YIPF4: variants seen among roughly 807,000 people sequenced by gnomAD.
YIPF4 encodes the protein Yip1 domain family member 4.
A neutral mutation model predicts 29.4 loss-of-function variants in YIPF4; 18 were observed. The ratio of observed to expected loss-of-function variants is 0.61; its 90% CI spans 0.42 to 0.91. The LOEUF (loss-of-function observed/expected upper bound fraction) is 0.91, where lower values mean the gene tolerates loss of function less well. Ranked by LOEUF, YIPF4 falls within the 40% of genes least tolerant of loss-of-function variation. YIPF4 has a pLI of 0.00. For synonymous variants in YIPF4, 115 were observed against 104.7 expected (o/e 1.10, Z -0.60); for missense variants, 279 against 282.7 (o/e 0.99, Z 0.09).
intron 3 of YIPF4, among the ~76,000 whole-genome samples, chr2:32,296,098 G>C (rs1369237418): frequency 2.6e-5 from 4 of 152,142 alleles, no homozygotes; most frequent in African/African-American, 9.7e-5. Context: ...TGGGGACTCT[G>C]GTCTCCTACC....
chr2:32,280,681 C>G (rs959087547), intron 1 of YIPF4, among the ~76,000 whole-genome samples: 1 of 152,110 alleles, frequency 6.6e-6, no homozygotes, highest in Non-Finnish European at 1.5e-5. Flanking sequence ...CGCGCCCGGC[C>G]TAATTTTTGA....
rs748383667 is a variant in YIPF4, at chr2:32,286,339, A to G, written c.80-4144A>G. Among the ~76,000 whole-genome samples the G allele has an allele frequency of 3.5e-4, 53 of 152,166 alleles. 1 individual carries two copies. Among genetic ancestry groups the G allele is most frequent in the Non-Finnish European group, 8.8e-5 (6 of 68,022 alleles). ...CTCTTTTCCATTTTTGTAACTTTCT[A>G]TGAATCTATAATTTTTCAAAATAAA... is the stretch of plus-strand genomic sequence containing the variant. On this transcript the variant is annotated intron_variant, in intron 1 of 5. Transcript: ENST00000238831.
chr2:32,278,163 C>T lies in YIPF4; in HGVS notation c.8C>T (p.Pro3Leu). 2.6e-6 allele frequency: 4 copies of T among 1,563,770 alleles called. No homozygotes were observed. Among genetic ancestry groups the T allele is most frequent in the Non-Finnish European group, 3.5e-6 (4 of 1,155,434 alleles). MQ[P>L]PGPPPAYAPT... ...GTTGGGAGTCGCCGCGAGATGCAGCCTCCGGGCCCGCCCCCGGCCTATGCC... is the reference window on the plus strand; with the variant it reads ...GTTGGGAGTCGCCGCGAGATGCAGCTTCCGGGCCCGCCCCCGGCCTATGCC... The change falls in exon 1 of 6, where the codon CCT (proline) becomes CTT (leucine). Residue 3 changes from proline to leucine, a missense_variant. By Grantham distance (98) the Pro-to-Leu change is moderately conservative (BLOSUM62 -3). Transcript: ENST00000238831.
intron 1 of YIPF4, among the ~76,000 whole-genome samples, chr2:32,284,261 G>A (rs4952258): frequency 0.12 from 17,981 of 152,064 alleles, 1,291 homozygotes; most frequent in Admixed American, 0.18. Flanking sequence ...GATAAATATC[G>A]TGAAGGAAAA....
chr2:32,307,833 G>A lies in YIPF4; in HGVS notation c.*2207G>A, dbSNP rs1275163936. The A allele has an allele frequency of 6.6e-6, 1 of 151,278 alleles. No individual in the cohort carries two copies. Among genetic ancestry groups the A allele is most frequent in the Non-Finnish European group, 1.5e-5 (1 of 68,056 alleles). 9.4% of individuals were successfully genotyped at this position (151,278 alleles called of 1,614,324 possible). On this transcript the variant is annotated 3_prime_UTR_variant, in exon 6 of 6. Coordinates refer to ENST00000238831, the MANE Select transcript of YIPF4 (RefSeq NM_032312.4). ...AATCCCAGCTACTCAGGAGGCTGAG[G>A]CAGGGAGAATCGCTTGAACCCTTGG...
At chr2:32,290,014 GAA>G (rs1289847055) in intron 1 of YIPF4, among the ~76,000 whole-genome samples, 1 of 152,100 alleles carries the variant, frequency 6.6e-6, no homozygotes. Flanking sequence ...AAAAGGTAGA[GAA>G]AAATTATCTA....
intron 5 of YIPF4, among the ~76,000 whole-genome samples, chr2:32,304,389 G>A (rs2031507239): frequency 6.7e-6 from 1 of 150,320 alleles, no homozygotes; most frequent in East Asian, 1.9e-4. Flanking sequence ...GTACTTTTGT[G>A]TATGTTTGAA....
Position 32,302,075 on chromosome 2 carries a change from G to A in YIPF4, c.597+580G>A, listed in dbSNP as rs575011347. Among the ~76,000 whole-genome samples, 3 of 147,890 alleles carry A rather than the reference G, an allele frequency of 2.0e-5. No homozygotes were observed. The Admixed American group carries it at 2.1e-4, about 10-fold the overall frequency. On this transcript the variant is annotated intron_variant, in intron 5 of 5. Coordinates refer to ENST00000238831, the MANE Select transcript of YIPF4 (RefSeq NM_032312.4). ...AGACAGAGTCTTGCTCTGTCGCCCAGGCTGGAGTGCAGTGGCGTGATCTCA... is the reference window on the plus strand; with the variant it reads ...AGACAGAGTCTTGCTCTGTCGCCCAAGCTGGAGTGCAGTGGCGTGATCTCA...
At chr2:32,286,607 G>A (rs909910258) in intron 1 of YIPF4, among the ~76,000 whole-genome samples, 4 of 151,742 alleles carry the variant, frequency 2.6e-5, no homozygotes, top group African/African-American at 7.3e-5. Context: ...GTGCAGTGGC[G>A]CGATCTCAGC....
chr2:32,300,469 C>A (rs949313507), intron 4 of YIPF4, among the ~76,000 whole-genome samples: 2 of 150,984 alleles, frequency 1.3e-5, no homozygotes, highest in African/African-American at 4.9e-5. Flanking sequence ...TTTCTTTTAT[C>A]CCTTCTATTT....
At position 32,305,994 on chromosome 2, in the gene YIPF4, C is replaced by T; in HGVS notation, c.*368C>T. On this transcript the variant is annotated 3_prime_UTR_variant, in exon 6 of 6. Coordinates refer to ENST00000238831, the MANE Select transcript of YIPF4 (RefSeq NM_032312.4). ...GACAATATCTTGATAATCAAAAGTG[C>T]AATTTTTTTCTTCAAAATGTTTTCT... is the stretch of plus-strand genomic sequence containing the variant. 3.0e-6 allele frequency: 3 copies of T among 985,128 alleles called. No individual in the cohort carries two copies. Among genetic ancestry groups the T allele is most frequent in the Non-Finnish European group, 3.6e-6 (3 of 829,606 alleles). The allele number at this position is 985,128 out of a possible 1,614,324, so 61.0% of individuals were successfully genotyped here. A position where few individuals can be genotyped will look rare whatever the true frequency, so the allele number is the denominator to read the frequency against.
At chr2:32,301,310 T>C in intron 4 of YIPF4, 72 bp from the exon 5 acceptor site, 2 of 895,244 alleles carry the variant, frequency 2.2e-6, no homozygotes, top group Admixed American at 1.9e-5. Flanking sequence ...AAGGAATATA[T>C]GGTGTTCAAT....
chr2:32,314,664 A>C lies in YIPF4; in HGVS notation c.*9038A>C, dbSNP rs1330503889. ...CTCCAGCCTGGGCAAGAAGAGCAAA[A>C]CTTCGTCTCAAAAAAAAATAAAAAA... On this transcript the variant is annotated 3_prime_UTR_variant, in exon 6 of 6. Transcript: ENST00000238831. 6.6e-6 allele frequency: 1 copy of C among 151,992 alleles called. No individual in the cohort carries two copies. The highest frequency in any genetic ancestry group is 2.4e-5 in the African/African-American group (1 of 41,392). The allele number at this position is 151,992 out of a possible 1,614,324, so 9.4% of individuals were successfully genotyped here.
chr2:32,286,473 A>T (rs1018732566), intron 1 of YIPF4, among the ~76,000 whole-genome samples: 1 of 152,222 alleles, frequency 6.6e-6, no homozygotes, highest in African/African-American at 2.4e-5. Context: ...TGATAGAAAA[A>T]CTACTAAAAC....
At chr2:32,305,431 C>T in intron 5 of YIPF4, 58 bp from the exon 6 acceptor site, 2 of 1,406,424 alleles carry the variant, frequency 1.4e-6, no homozygotes, top group African/African-American at 1.5e-5. Flanking sequence ...CTATGATATC[C>T]AAAAAGTTAA....
At chr2:32,305,141 A>C (rs1404228026) in intron 5 of YIPF4, among the ~76,000 whole-genome samples, 1 of 152,130 alleles carries the variant, frequency 6.6e-6, no homozygotes, top group Non-Finnish European at 1.5e-5. Context: ...AACTTATTTA[A>C]AATACTGATA....
At chr2:32,278,331 G>A (rs2030205642) in intron 1 of YIPF4, 97 bp downstream of exon 1, 2 of 1,253,920 alleles carry the variant, frequency 1.6e-6, no homozygotes, top group Admixed American at 5.3e-5. Flanking sequence ...GCCGGGTGGG[G>A]ACAGGCAGGA....
rs1037516198 is a variant in YIPF4, at chr2:32,314,956, G to A, written c.*9330G>A. On this transcript the variant is annotated 3_prime_UTR_variant, in exon 6 of 6. Transcript: ENST00000238831. ...ACTGTATCAGATAGGAACATATTTG[G>A]TTGCAAGAAACAAAAATTCCTGTGA... is the stretch of plus-strand genomic sequence containing the variant. 9 of 152,100 alleles carry A rather than the reference G, an allele frequency of 5.9e-5. No homozygotes were observed. Among genetic ancestry groups the A allele is most frequent in the Non-Finnish European group, 1.3e-4 (9 of 68,018 alleles). The allele number at this position is 152,100 out of a possible 1,614,324, so 9.4% of individuals were successfully genotyped here. A position where few individuals can be genotyped will look rare whatever the true frequency, so the allele number is the denominator to read the frequency against.
chr2:32,305,515 C>T lies in YIPF4; in HGVS notation c.624C>T (p.Tyr208=), dbSNP rs2148968356. 1.9e-6 allele frequency: 3 copies of T among 1,606,374 alleles called. No individual in the cohort carries two copies. The African/African-American group carries it at 4.0e-5, about 22-fold the overall frequency. ...TGTTTGGTGTGTTTTGGGCTGCCTACAGTGCTGCTTCATTGTTAGTGGGTG... is the reference window on the plus strand; with the variant it reads ...TGTTTGGTGTGTTTTGGGCTGCCTATAGTGCTGCTTCATTGTTAGTGGGTG... ...IKLFGVFWAA[Y]SAASLLVGEE... The change falls in exon 6 of 6, where the codon TAC becomes TAT. Residue 208 remains tyrosine, a synonymous_variant. Transcript: ENST00000238831.
Sources: gnomAD v4.1 joint callset for allele counts (sites outside exome capture counted in the v4.1 genomes callset) on GRCh38, gnomAD v4.1.1 for gene constraint, MANE v1.5 for transcripts, NCBI Gene and HGNC (gene_info 2026-07-23, HGNC 2026-07-21) for gene names.